DCAF1: variants seen among roughly 807,000 people sequenced by gnomAD.
DCAF1 encodes the protein DDB1- and CUL4-associated factor 1.
DCAF1 carries 15 observed loss-of-function variants against 128.0 expected under a neutral mutation model. The ratio of observed to expected loss-of-function variants is 0.12; its 90% CI spans 0.08 to 0.18. The LOEUF (loss-of-function observed/expected upper bound fraction) is 0.18, where lower values mean the gene tolerates loss of function less well. Among genes scored for constraint, DCAF1 ranks in the 10% least tolerant of loss-of-function variants. The probability of loss-of-function intolerance (pLI) is 1.00; values close to 1 mark genes in which losing one functional copy is unlikely to be tolerated. For missense variants in DCAF1, 988 were observed against 1,649.5 expected (o/e 0.60, Z 6.95); for synonymous variants, 610 against 603.0 (o/e 1.01, Z -0.17).
At chr3:51,476,919 T>A (rs1559559280) in intron 3 of DCAF1, among the ~76,000 whole-genome samples, 1 of 149,390 alleles carries the variant, frequency 6.7e-6, no homozygotes, top group Non-Finnish European at 1.5e-5. Flanking sequence ...CTGTCTCTAT[T>A]AAAAAAAACA....
chr3:51,428,698 AC>A (rs1388033352), intron 12 of DCAF1, among the ~76,000 whole-genome samples: 3 of 152,180 alleles, frequency 2.0e-5, no homozygotes, highest in Non-Finnish European at 4.4e-5. Flanking sequence ...TACTTTTCAT[AC>A]AAAAAAGCTC....
intron 6 of DCAF1, among the ~76,000 whole-genome samples, chr3:51,462,074 T>TA (rs200221376): frequency 0.01 from 1,511 of 145,064 alleles, 13 homozygotes; most frequent in Middle Eastern, 0.017. Context: ...ATAATAAAAT[T>TA]AAAAAAAAAA....
chr3:51,403,652 C>T (rs1404043528), intron 23 of DCAF1, among the ~76,000 whole-genome samples: 1 of 152,248 alleles, frequency 6.6e-6, no homozygotes, highest in East Asian at 1.9e-4. Flanking sequence ...AAACAGACAA[C>T]TCGCTTCACA....
At chr3:51,463,471 A>G (rs1015753571) in intron 5 of DCAF1, among the ~76,000 whole-genome samples, 1 of 152,074 alleles carries the variant, frequency 6.6e-6, no homozygotes, top group Admixed American at 6.6e-5. Context: ...CCCCAAAACA[A>G]CTCAGCAATC....
chr3:51,505,487 G>A, the DCAF1 span, among the ~76,000 whole-genome samples: 1 of 152,134 alleles, frequency 6.6e-6, no homozygotes. Context: ...TCATCAAGAC[G>A]GGAGTTTCTA....
intron 24 of DCAF1, among the ~76,000 whole-genome samples, chr3:51,401,248 G>A (rs1374319459): frequency 6.6e-6 from 1 of 152,024 alleles, no homozygotes. Context: ...GTAAAGGTAC[G>A]TGGGGGCGCA....
intron 23 of DCAF1, among the ~76,000 whole-genome samples, chr3:51,411,275 A>G (rs1698393860): frequency 1.3e-5 from 2 of 152,232 alleles, no homozygotes; most frequent in South Asian, 2.1e-4. Context: ...AGCTGCTTTA[A>G]TATCTGAAGA....
intron 7 of DCAF1, among the ~76,000 whole-genome samples, chr3:51,442,424 G>A (rs1249487517): frequency 6.6e-6 from 1 of 152,140 alleles, no homozygotes; most frequent in Non-Finnish European, 1.5e-5. Flanking sequence ...ATGGCCAGGT[G>A]CGGTAGCTCA....
intron 3 of DCAF1, among the ~76,000 whole-genome samples, chr3:51,482,220 G>A (rs1266915782): frequency 6.6e-6 from 1 of 151,836 alleles, no homozygotes; most frequent in African/African-American, 2.4e-5. Flanking sequence ...CGAGACAGGA[G>A]GATTGCTTGA....
intron 24 of DCAF1, among the ~76,000 whole-genome samples, chr3:51,399,244 CA>C (rs2089464263): frequency 6.6e-6 from 1 of 152,216 alleles, no homozygotes; most frequent in African/African-American, 2.4e-5. Context: ...CCCAAGAGAC[CA>C]CTAGAAAGGC....
intron 6 of DCAF1, among the ~76,000 whole-genome samples, chr3:51,452,485 A>G (rs1413038170): frequency 6.6e-6 from 1 of 152,206 alleles, no homozygotes; most frequent in African/African-American, 2.4e-5. Context: ...ATTCAAGACA[A>G]TTTCCAATCT....
chr3:51,454,676 T>C (rs1408292619), intron 6 of DCAF1, among the ~76,000 whole-genome samples: 1 of 148,098 alleles, frequency 6.8e-6, no homozygotes, highest in African/African-American at 2.5e-5. Flanking sequence ...AATTTTTGTT[T>C]TGTTTTGTTT....
intron 22 of DCAF1, 72 bp downstream of exon 22, chr3:51,412,921 G>C (rs1698561086): frequency 7.6e-6 from 12 of 1,583,510 alleles, no homozygotes; most frequent in Non-Finnish European, 1.0e-5. Flanking sequence ...CAGACAAAAT[G>C]TCTGTAGTAC....
intron 4 of DCAF1, among the ~76,000 whole-genome samples, chr3:51,469,795 T>C (rs868976703): frequency 0.012 from 1,760 of 149,844 alleles, 12 homozygotes; most frequent in Non-Finnish European, 0.017. Flanking sequence ...TGGAGGCGGG[T>C]GGATCACTTG....
At chr3:51,478,690 T>G (rs1042361467) in intron 3 of DCAF1, among the ~76,000 whole-genome samples, 1 of 152,114 alleles carries the variant, frequency 6.6e-6, no homozygotes, top group African/African-American at 2.4e-5. Context: ...GGTCTTACTA[T>G]GTTGCCCAAG....
At chr3:51,504,717 T>A (rs144288916), upstream of DCAF1, among the ~76,000 whole-genome samples, 380 of 152,300 alleles carry the variant, frequency 2.5e-3, 3 homozygotes, top group African/African-American at 8.4e-3. Flanking sequence ...GATTCAGGGA[T>A]CTCTGGCCTG....
At chr3:51,397,501 C>T (rs2089281414), downstream of DCAF1, 1 of 167,122 alleles carries the variant, frequency 6.0e-6, no homozygotes. Context: ...ACTCCATCCT[C>T]CAAAACTTCC....
At chr3:51,490,154 C>T (rs2108508721) in intron 2 of DCAF1, among the ~76,000 whole-genome samples, 1 of 152,272 alleles carries the variant, frequency 6.6e-6, no homozygotes, top group South Asian at 2.1e-4. Flanking sequence ...GTGGCTCACA[C>T]CTGTTAATCC....
At chr3:51,449,244 G>A (rs1553640948) in intron 6 of DCAF1, among the ~76,000 whole-genome samples, 4 of 152,130 alleles carry the variant, frequency 2.6e-5, no homozygotes, top group African/African-American at 9.7e-5. Flanking sequence ...TTTTGGTCTT[G>A]TTGCCCAGGC....
Sources: gnomAD v4.1 joint callset for allele counts (sites outside exome capture counted in the v4.1 genomes callset) on GRCh38, gnomAD v4.1.1 for gene constraint, MANE v1.5 for transcripts, NCBI Gene and HGNC (gene_info 2026-07-23, HGNC 2026-07-21) for gene names.